The following PSPC1 variants were observed in gnomAD, a reference collection of about 807,000 sequenced individuals.
PSPC1 encodes the protein paraspeckle protein 1.
A neutral mutation model predicts 51.6 loss-of-function variants in PSPC1; 14 were observed. That is an observed-to-expected ratio of 0.27 (90% CI 0.18 to 0.42). The LOEUF (loss-of-function observed/expected upper bound fraction) is 0.42, where lower values mean the gene tolerates loss of function less well. Ranked by LOEUF, PSPC1 falls within the 10% of genes least tolerant of loss-of-function variation. The pLI, the probability that PSPC1 is intolerant of heterozygous loss-of-function variation, is 1.00. For missense variants in PSPC1, 406 were observed against 701.1 expected, an observed-to-expected ratio of 0.58 and a Z score of 4.75; for synonymous variants, 193 against 231.9, an observed-to-expected ratio of 0.83 and a Z score of 1.53.
chr13:19,695,451 T>G (rs889491644), intron 6 of PSPC1, among the ~76,000 whole-genome samples: 7 of 152,212 alleles, frequency 4.6e-5, no homozygotes, highest in African/African-American at 1.4e-4. Context: ...TAAAAAAATT[T>G]AATGGCTTCA....
intron 1 of PSPC1, among the ~76,000 whole-genome samples, chr13:19,778,210 C>T (rs1391578579): frequency 6.6e-6 from 1 of 151,696 alleles, no homozygotes; most frequent in Admixed American, 6.6e-5. Context: ...CCACTGCACT[C>T]CAACGTGGTG....
downstream of PSPC1, chr13:19,702,384 T>C (rs1365952053): frequency 1.3e-5 from 2 of 152,216 alleles, no homozygotes; most frequent in Non-Finnish European, 2.9e-5. Context: ...TGTTTAACAC[T>C]AACTGTACGA....
At chr13:19,707,562 T>A (rs1338177946) in intron 7 of PSPC1, among the ~76,000 whole-genome samples, 3 of 152,182 alleles carry the variant, frequency 2.0e-5, no homozygotes, top group Non-Finnish European at 4.4e-5. Context: ...AAGTCTCACA[T>A]TGAATGAAGA....
rs562362660 is a variant in PSPC1 at position 19,756,402 on chromosome 13, A to G, written c.770+2921T>C. 2.7e-3 allele frequency among the ~76,000 whole-genome samples: 411 copies of G among 152,196 alleles called. 4 individuals carry two copies. The highest frequency in any genetic ancestry group is 0.011 in the South Asian group (53 of 4,824). Reference sequence around the variant, plus strand: ...AACTTGGATACTCTCCACCGTTAACATATTTTGGTGAGCCAGCCAGGAGGA... The same window carrying G: ...AACTTGGATACTCTCCACCGTTAACGTATTTTGGTGAGCCAGCCAGGAGGA... On this transcript the variant is annotated intron_variant, in intron 3 of 8. Transcript: ENST00000338910.
chr13:19,730,140 A>G (rs1235972594), intron 6 of PSPC1, 99 bp downstream of exon 6: 1 of 873,664 alleles, frequency 1.1e-6, no homozygotes, highest in Non-Finnish European at 1.8e-6. Context: ...TAGAAAGATT[A>G]GAAAAGACTA....
intron 3 of PSPC1, 31 bp downstream of exon 3, chr13:19,759,292 A>G (rs747466474): frequency 2.0e-6 from 3 of 1,520,480 alleles, no homozygotes; most frequent in South Asian, 2.2e-5. Context: ...TTAATAGTAC[A>G]GACACAAATT....
chr13:19,744,042 AG>A (rs1885702334), intron 4 of PSPC1, among the ~76,000 whole-genome samples: 1 of 152,174 alleles, frequency 6.6e-6, no homozygotes, highest in African/African-American at 2.4e-5. Context: ...CGGGAGGCGG[AG>A]GCTGCAGTGG....
intron 2 of PSPC1, among the ~76,000 whole-genome samples, chr13:19,760,462 A>C (rs551203698): frequency 6.6e-4 from 100 of 150,738 alleles, no homozygotes; most frequent in Non-Finnish European, 1.3e-3. Flanking sequence ...CAGGAGGCAG[A>C]GGTTGCAGTG....
intron 6 of PSPC1, among the ~76,000 whole-genome samples, chr13:19,683,470 C>T (rs754343308): frequency 5.3e-5 from 8 of 152,170 alleles, no homozygotes; most frequent in African/African-American, 7.2e-5. Flanking sequence ...GATTTATCAA[C>T]GGTGATCAAT....
chr13:19,696,533 A>G (rs924074277), intron 6 of PSPC1, among the ~76,000 whole-genome samples: 6 of 151,918 alleles, frequency 3.9e-5, no homozygotes, highest in Admixed American at 3.3e-4. Flanking sequence ...ACACACACAC[A>G]TATCTGACGC....
intron 6 of PSPC1, among the ~76,000 whole-genome samples, chr13:19,713,001 T>C (rs1881624899): frequency 6.6e-6 from 1 of 151,990 alleles, no homozygotes; most frequent in African/African-American, 2.4e-5. Context: ...TTTTGTAAAA[T>C]GAAATACAGC....
At chr13:19,761,444 AG>A (rs1218348238) in intron 2 of PSPC1, among the ~76,000 whole-genome samples, 1 of 152,132 alleles carries the variant, frequency 6.6e-6, no homozygotes, top group Non-Finnish European at 1.5e-5. Flanking sequence ...CCTTCAAAAC[AG>A]TGATGCTTCA....
chr13:19,689,731 C>T (rs1002441776), intron 6 of PSPC1, among the ~76,000 whole-genome samples: 10 of 152,114 alleles, frequency 6.6e-5, no homozygotes, highest in Non-Finnish European at 8.8e-5. Context: ...ATTTCACAAA[C>T]GGAGACTAAA....
chr13:19,738,807 T>C (rs1398951651), intron 5 of PSPC1, among the ~76,000 whole-genome samples: 3 of 151,188 alleles, frequency 2.0e-5, no homozygotes, highest in African/African-American at 7.3e-5. Flanking sequence ...CTTGGGAGGC[T>C]GAGGCAGGAG....
intron 7 of PSPC1, among the ~76,000 whole-genome samples, chr13:19,676,085 T>C (rs143454181): frequency 0.011 from 1,660 of 152,294 alleles, 12 homozygotes; most frequent in Non-Finnish European, 0.014. Context: ...AGAATCTCTC[T>C]CCCCTTCTCT....
chr13:19,749,900 A>G (rs1286227868), intron 4 of PSPC1, among the ~76,000 whole-genome samples: 1 of 152,196 alleles, frequency 6.6e-6, no homozygotes, highest in Non-Finnish European at 1.5e-5. Context: ...AATTAAACCA[A>G]AACACCTAAC....
intron 6 of PSPC1, among the ~76,000 whole-genome samples, chr13:19,689,158 G>A (rs1304479489): frequency 1.3e-5 from 2 of 152,192 alleles, no homozygotes; most frequent in Middle Eastern, 3.2e-3. Context: ...ACCCAGAGAA[G>A]CACTGAGGTC....
downstream of PSPC1, chr13:19,673,600 G>GAATT (rs952530285): frequency 6.0e-6 from 1 of 166,694 alleles, no homozygotes; most frequent in African/African-American, 2.4e-5. Flanking sequence ...GGGAGGATTT[G>GAATT]AATTAGCAGC....
At chr13:19,688,382 G>A (rs1308156246) in intron 6 of PSPC1, among the ~76,000 whole-genome samples, 1 of 151,618 alleles carries the variant, frequency 6.6e-6, no homozygotes, top group Non-Finnish European at 1.5e-5. Flanking sequence ...ATGCTTTATT[G>A]AGAACAAGAT....
Sources: allele counts gnomAD v4.1 joint callset (sites outside exome capture counted in the v4.1 genomes callset), GRCh38; gene constraint gnomAD v4.1.1; transcripts MANE v1.5; gene names NCBI Gene and HGNC (gene_info 2026-07-23, HGNC 2026-07-21).